The following SAMSN1 variants were observed in gnomAD, a reference collection of about 807,000 sequenced individuals.
SAMSN1 encodes SAM domain-containing protein SAMSN-1.
Under a neutral mutation model 42.0 loss-of-function variants are expected in SAMSN1, and 31 were observed. The observed-to-expected ratio is 0.74, with a 90% CI of 0.55 to 1.00. The LOEUF is 1.00. SAMSN1 is among the 50% of genes least tolerant of loss of function. SAMSN1 has a pLI of 0.00. For missense variants in SAMSN1, 464 were observed against 439.4 expected, an observed-to-expected ratio of 1.06 and a Z score of -0.50; for synonymous variants, 178 against 151.9, an observed-to-expected ratio of 1.17 and a Z score of -1.26.
At chr21:14,646,107 GATA>G (rs1380419095) in intron 1 of SAMSN1, among the ~76,000 whole-genome samples, 2 of 152,066 alleles carry the variant, frequency 1.3e-5, no homozygotes, top group Non-Finnish European at 2.9e-5. Flanking sequence ...TATTCAAAAG[GATA>G]ATAACAGAGA....
At chr21:14,606,114 A>C (rs1217023546) in intron 5 of SAMSN1, among the ~76,000 whole-genome samples, 1 of 152,162 alleles carries the variant, frequency 6.6e-6, no homozygotes, top group Non-Finnish European at 1.5e-5. Context: ...TGCTGGGATT[A>C]CAGGCGTGAA....
intron 2 of SAMSN1, among the ~76,000 whole-genome samples, chr21:14,558,979 G>A (rs1019947552): frequency 1.3e-5 from 2 of 152,098 alleles, no homozygotes; most frequent in Non-Finnish European, 2.9e-5. Flanking sequence ...GAGTTTTCCT[G>A]CAAAGCATTC....
At chr21:14,550,977 G>A (rs146197523), upstream of SAMSN1, among the ~76,000 whole-genome samples, 80 of 152,084 alleles carry the variant, frequency 5.3e-4, no homozygotes, top group East Asian at 9.7e-3. Context: ...GGCTCCTTGG[G>A]TAGATATGTC....
chr21:14,493,612 CAT>C (rs1491459282), intron 7 of SAMSN1, among the ~76,000 whole-genome samples: 1 of 149,996 alleles, frequency 6.7e-6, no homozygotes, highest in East Asian at 1.9e-4. Flanking sequence ...CACACACACA[CAT>C]ATTTTCTGTT....
intron 1 of SAMSN1, among the ~76,000 whole-genome samples, chr21:14,541,133 G>A (rs929502993): frequency 2.7e-5 from 4 of 148,552 alleles, no homozygotes; most frequent in African/African-American, 1.0e-4. Context: ...GCCTGTTGTG[G>A]GGTTGGGGGA....
At chr21:14,492,210 TTG>T (rs1368851815) in intron 7 of SAMSN1, among the ~76,000 whole-genome samples, 1 of 151,470 alleles carries the variant, frequency 6.6e-6, no homozygotes, top group East Asian at 2.0e-4. Flanking sequence ...ATTTTAAACT[TTG>T]ATTGTGTTTC....
intron 3 of SAMSN1, among the ~76,000 whole-genome samples, chr21:14,513,278 T>C (rs758138388): frequency 9.2e-5 from 14 of 152,254 alleles, no homozygotes; most frequent in Admixed American, 2.6e-4. Context: ...CAACATTCTT[T>C]ATTTGTGAGC....
At chr21:14,573,919 C>A (rs927739273) in intron 2 of SAMSN1, among the ~76,000 whole-genome samples, 1 of 152,170 alleles carries the variant, frequency 6.6e-6, no homozygotes, top group African/African-American at 2.4e-5. Flanking sequence ...GCTACACATG[C>A]AAAATATGTC....
At chr21:14,534,609 G>A (rs1315700626) in intron 1 of SAMSN1, among the ~76,000 whole-genome samples, 1 of 151,256 alleles carries the variant, frequency 6.6e-6, no homozygotes, top group African/African-American at 2.4e-5. Flanking sequence ...TCCGCCTCCC[G>A]GGTTCACGCC....
intron 1 of SAMSN1, among the ~76,000 whole-genome samples, chr21:14,645,938 G>C (rs555919557): frequency 1.3e-5 from 2 of 152,188 alleles, no homozygotes; most frequent in African/African-American, 2.4e-5. Flanking sequence ...TGAGCCTAAA[G>C]ACAGCTATTT....
At chr21:14,528,031 G>C (rs1036565244) in intron 1 of SAMSN1, among the ~76,000 whole-genome samples, 2 of 152,070 alleles carry the variant, frequency 1.3e-5, no homozygotes, top group Non-Finnish European at 2.9e-5. Context: ...AAATAATACT[G>C]TTACATGTTT....
intron 2 of SAMSN1, among the ~76,000 whole-genome samples, chr21:14,564,756 C>T (rs750131206): frequency 6.6e-6 from 1 of 152,148 alleles, no homozygotes; most frequent in Non-Finnish European, 1.5e-5. Context: ...TTTGTAATTC[C>T]TTTCCAAGTG....
In SAMSN1 at chr21:14,582,140, G is replaced by T. The variant is rs1373660805; in HGVS notation, c.257C>A (p.Ser86Ter). 3 of 1,542,996 alleles carry T rather than the reference G, an allele frequency of 1.9e-6. No homozygotes were observed. The Admixed American group carries it at 6.0e-5, about 31-fold the overall frequency. Residue 86 changes from serine (S) to a stop codon, truncating the protein, a stop_gained, in exon 2 of 9, where the codon TCA becomes TAA. Transcript: ENST00000285670. LOFTEE classifies it high-confidence loss of function. ...TTCCGTAGTCTGCAAACTTACCCAT[G>T]AATGTAGGAGATCCATATCTGAGCA...
intron 2 of SAMSN1, among the ~76,000 whole-genome samples, chr21:14,624,383 G>C (rs1983105763): frequency 6.6e-6 from 1 of 151,998 alleles, no homozygotes; most frequent in African/African-American, 2.4e-5. Context: ...CTGGTAGCAA[G>C]ACTAATAAAG....
At chr21:14,544,728 C>T (rs1980276218) in intron 1 of SAMSN1, among the ~76,000 whole-genome samples, 1 of 152,054 alleles carries the variant, frequency 6.6e-6, no homozygotes, top group Admixed American at 6.6e-5. Context: ...ATAGTTACTG[C>T]TCTTAAGCCA....
chr21:14,519,752 T>C (rs1978336326), intron 2 of SAMSN1, among the ~76,000 whole-genome samples: 1 of 152,104 alleles, frequency 6.6e-6, no homozygotes, highest in South Asian at 2.1e-4. Context: ...TAAAAACCTA[T>C]TGATCTAAAA....
At chr21:14,627,640 G>T (rs1212823564) in intron 2 of SAMSN1, among the ~76,000 whole-genome samples, 1 of 152,156 alleles carries the variant, frequency 6.6e-6, no homozygotes, top group Non-Finnish European at 1.5e-5. Context: ...ACAGGGTTTT[G>T]TGAGGAAAGA....
intron 1 of SAMSN1, among the ~76,000 whole-genome samples, chr21:14,535,502 C>T (rs1979549002): frequency 6.6e-6 from 1 of 152,150 alleles, no homozygotes; most frequent in South Asian, 2.1e-4. Context: ...TTAGTACAAG[C>T]TCATGGACTA....
At chr21:14,528,187 C>T (rs1016587406) in intron 1 of SAMSN1, among the ~76,000 whole-genome samples, 1 of 152,004 alleles carries the variant, frequency 6.6e-6, no homozygotes, top group Non-Finnish European at 1.5e-5. Flanking sequence ...TTTGTTTTCC[C>T]TATTGTGAAA....
Sources: allele counts gnomAD v4.1 joint callset (sites outside exome capture counted in the v4.1 genomes callset), GRCh38; gene constraint gnomAD v4.1.1; transcripts MANE v1.5; gene names NCBI Gene and HGNC (gene_info 2026-07-23, HGNC 2026-07-21).